The following KIF13B variants were observed in gnomAD, a reference collection of about 807,000 sequenced individuals.
KIF13B encodes kinesin-like protein KIF13B.
Under a neutral mutation model 222.0 loss-of-function variants are expected in KIF13B, and 127 were observed. The ratio of observed to expected loss-of-function variants is 0.57; its 90% CI spans 0.50 to 0.66. The LOEUF is 0.66. Ranked by LOEUF, KIF13B falls within the 30% of genes least tolerant of loss-of-function variation. The probability of loss-of-function intolerance (pLI) is 0.00; values close to 1 mark genes in which losing one functional copy is unlikely to be tolerated. For synonymous variants in KIF13B, 976 were observed against 919.0 expected, an observed-to-expected ratio of 1.06 and a Z score of -1.12; for missense variants, 2,173 against 2,379.0, an observed-to-expected ratio of 0.91 and a Z score of 1.80.
intron 30 of KIF13B, among the ~76,000 whole-genome samples, chr8:29,117,251 C>G (rs1014521632): frequency 6.6e-6 from 1 of 152,124 alleles, no homozygotes; most frequent in African/African-American, 2.4e-5. Flanking sequence ...AAAAAATGCT[C>G]AAATGTCAAG....
chr8:29,193,196 C>T (rs1237100655), intron 3 of KIF13B, among the ~76,000 whole-genome samples: 2 of 152,160 alleles, frequency 1.3e-5, no homozygotes, highest in East Asian at 1.9e-4. Context: ...CCCCTGAGAG[C>T]CCTTGGGCCC....
chr8:29,148,626 A>G lies in KIF13B; in HGVS notation c.1764T>C (p.Asn588=), dbSNP rs751639189. Residue 588 remains asparagine, a synonymous_variant, in exon 16 of 40, where the codon AAT becomes AAC. Transcript: ENST00000524189. ...TGACCTCCATCTGTGCGTATTCGTA[A>G]TTAAAGTTAACTTCACTGGACACCT... The part of the protein sequence containing the change: ...SSEVSSEVNF[N]YEYAQMEVTM... 6.2e-7 allele frequency: 1 copy of G among 1,612,854 alleles called. No homozygotes were observed. Among genetic ancestry groups the G allele is most frequent in the South Asian group, 1.1e-5 (1 of 90,658 alleles).
At position 29,072,015 on chromosome 8, in the gene KIF13B, C is replaced by T; in HGVS notation, c.4823G>A (p.Ser1608Asn). 2 of 1,291,920 alleles carry T rather than the reference C, an allele frequency of 1.5e-6. No homozygotes were observed. The allele number at this position is 1,291,920 out of a possible 1,614,324, so 80.0% of individuals were successfully genotyped here. ...APEAEPEAPI[S>N]HPPPPTAVPA... Reference sequence around the variant, plus strand: ...GACGGCCGTGGGCGGTGGGGGGTGGCTGATGGGCGCCTCGGGCTCGGCCTC... The same window carrying T: ...GACGGCCGTGGGCGGTGGGGGGTGGTTGATGGGCGCCTCGGGCTCGGCCTC... Residue 1608 changes from serine to asparagine, a missense_variant, in exon 39 of 40, where the codon AGC (serine) becomes AAC (asparagine). Physicochemically the swap from Ser to Asn is conservative, Grantham distance 46. Coordinates refer to ENST00000524189, the MANE Select transcript of KIF13B (RefSeq NM_015254.4).
At chr8:29,217,744 A>G (rs551541559) in intron 2 of KIF13B, among the ~76,000 whole-genome samples, 3 of 152,364 alleles carry the variant, frequency 2.0e-5, no homozygotes, top group Admixed American at 6.5e-5. Flanking sequence ...CCAGAATAAC[A>G]GCAGGTCCAG....
At chr8:29,158,256 G>T (rs904698022) in intron 13 of KIF13B, among the ~76,000 whole-genome samples, 27 of 152,180 alleles carry the variant, frequency 1.8e-4, no homozygotes, top group African/African-American at 6.5e-4. Flanking sequence ...TGTCCATCTT[G>T]TATTCCAAGC....
rs182713790 is a variant in KIF13B at position 29,206,312 on chromosome 8, G to A, written c.150-10113C>T. On this transcript the variant is annotated intron_variant, in intron 2 of 39. Transcript: ENST00000524189. ...GGCATACTTGAAGTGCATGGCACAC[G>A]TATGCTGACGCATGCTTGATAAATG... Among the ~76,000 whole-genome samples the A allele has an allele frequency of 3.2e-4, 49 of 152,318 alleles. No homozygotes were observed. In the East Asian group the frequency reaches 5.0e-3, roughly 16 times the overall value.
At chr8:29,253,758 A>G (rs563074154) in intron 1 of KIF13B, among the ~76,000 whole-genome samples, 7 of 136,160 alleles carry the variant, frequency 5.1e-5, no homozygotes, top group African/African-American at 1.9e-4. Context: ...TGAATCTGGG[A>G]GGCAGAGGCT....
intron 32 of KIF13B, among the ~76,000 whole-genome samples, chr8:29,111,732 A>C (rs540110090): frequency 2.0e-5 from 3 of 152,266 alleles, no homozygotes; most frequent in African/African-American, 7.2e-5. Context: ...AAGAAATGAA[A>C]GCAGTTTCCT....
intron 31 of KIF13B, among the ~76,000 whole-genome samples, chr8:29,115,747 A>G (rs909555461): frequency 1.6e-4 from 24 of 152,094 alleles, no homozygotes; most frequent in African/African-American, 5.8e-4. Flanking sequence ...CAGCACATGG[A>G]GCTCCTCGCG....
At chr8:29,163,789 C>T (rs1811880818) in intron 12 of KIF13B, among the ~76,000 whole-genome samples, 1 of 152,326 alleles carries the variant, frequency 6.6e-6, no homozygotes, top group Non-Finnish European at 1.5e-5. Context: ...GGTGCCAACA[C>T]TAAGCTCCCC....
In KIF13B at chr8:29,127,208, G is replaced by A; in HGVS notation, c.3136C>T (p.Leu1046=). 1 of 1,613,910 alleles carries A rather than the reference G, an allele frequency of 6.2e-7. No individual in the cohort carries two copies. The highest frequency in any genetic ancestry group is 8.5e-7 in the Non-Finnish European group (1 of 1,179,824). ...ACAGACAGTATACATTCTTCCATCA[G>A]TGGTAAAGTCCCAGATTCCTGCACT... ...KSVQESGTLP[L]MEECILSVGI... is the part of the protein sequence containing the mutation. Residue 1046 remains leucine (L), a synonymous_variant, in exon 25 of 40, where the codon CTG becomes TTG. Transcript: ENST00000524189.
intron 2 of KIF13B, among the ~76,000 whole-genome samples, chr8:29,220,129 AT>A (rs1349940927): frequency 6.6e-6 from 1 of 152,202 alleles, no homozygotes; most frequent in Non-Finnish European, 1.5e-5. Flanking sequence ...ATTTTTGTCT[AT>A]AAAAATTTAA....
chr8:29,109,784 C>G, intron 33 of KIF13B, 134 bp downstream of exon 33: 2 of 891,212 alleles, frequency 2.2e-6, no homozygotes, highest in Non-Finnish European at 3.4e-6. Flanking sequence ...TACAATCACT[C>G]TGGATTATTC....
chr8:29,124,608 G>A (rs986044701), intron 26 of KIF13B, among the ~76,000 whole-genome samples: 19 of 152,096 alleles, frequency 1.2e-4, no homozygotes, highest in Admixed American at 8.5e-4. Context: ...AATTGGCCAG[G>A]CGCAGTGGCT....
At chr8:29,110,713 A>AGGATTGGCTGTGC (rs1809316757) in intron 32 of KIF13B, 1 of 152,194 alleles carries the variant, frequency 6.6e-6, no homozygotes, top group Non-Finnish European at 1.5e-5. Context: ...GCCCATCCCC[A>AGGATTGGCTGTGC]ATCCTGGGAT....
At chr8:29,099,325 A>C (rs915465188) in intron 35 of KIF13B, 84 bp from the exon 36 acceptor site, 29 of 878,762 alleles carry the variant, frequency 3.3e-5, no homozygotes, top group Non-Finnish European at 4.7e-5. Context: ...AAGAAAAAAA[A>C]CTGTTATATA....
At chr8:29,190,251 G>A (rs1033514437) in intron 4 of KIF13B, 2 of 152,238 alleles carry the variant, frequency 1.3e-5, no homozygotes, top group East Asian at 3.8e-4. Flanking sequence ...AGAAAAGTCT[G>A]AACAGACAGG....
At chr8:29,210,271 G>C (rs978547325) in intron 2 of KIF13B, among the ~76,000 whole-genome samples, 2 of 152,248 alleles carry the variant, frequency 1.3e-5, no homozygotes. Context: ...AAACTGCCCA[G>C]AACACTTGAA....
At chr8:29,138,013 A>G (rs946409913) in intron 21 of KIF13B, among the ~76,000 whole-genome samples, 2 of 152,224 alleles carry the variant, frequency 1.3e-5, no homozygotes, top group Non-Finnish European at 2.9e-5. Context: ...AAGACTAAGG[A>G]CAAAAAAACT....
Sources: gnomAD v4.1 joint callset for allele counts (sites outside exome capture counted in the v4.1 genomes callset) on GRCh38, gnomAD v4.1.1 for gene constraint, MANE v1.5 for transcripts, NCBI Gene and HGNC (gene_info 2026-07-23, HGNC 2026-07-21) for gene names.